Variants in STARD13 observed in about 807,000 individuals in gnomAD.
The protein encoded by STARD13 is stAR-related lipid transfer protein 13.
A neutral mutation model predicts 106.4 loss-of-function variants in STARD13; 62 were observed. The observed-to-expected ratio is 0.58, with a 90% CI of 0.48 to 0.72. STARD13 has a LOEUF of 0.72. Among genes scored for constraint, STARD13 ranks in the 30% least tolerant of loss-of-function variants. The pLI, the probability that STARD13 is intolerant of heterozygous loss-of-function variation, is 0.00. For missense variants in STARD13, 1,387 were observed against 1,424.0 expected, an observed-to-expected ratio of 0.97 and a Z score of 0.42; for synonymous variants, 565 against 553.0, an observed-to-expected ratio of 1.02 and a Z score of -0.31.
At chr13:33,470,886 CTGA>C in the STARD13 span, among the ~76,000 whole-genome samples, 6 of 152,150 alleles carry the variant, frequency 3.9e-5, no homozygotes, top group Non-Finnish European at 8.8e-5. Flanking sequence ...CCTATTCACT[CTGA>C]TGATAGTTTA....
intron 8 of STARD13, chr13:33,117,555 A>G (rs1041737659): frequency 1.1e-6 from 1 of 911,122 alleles, no homozygotes; most frequent in Admixed American, 6.2e-5. Flanking sequence ...AAGTGAAAAT[A>G]TAAATAAGTT....
the STARD13 span, among the ~76,000 whole-genome samples, chr13:33,462,337 C>T: frequency 3.9e-5 from 6 of 152,252 alleles, no homozygotes; most frequent in Admixed American, 1.3e-4. Flanking sequence ...TTCACTTACC[C>T]TTTACAGATC....
the STARD13 span, among the ~76,000 whole-genome samples, chr13:33,551,087 G>T: frequency 6.6e-6 from 1 of 152,280 alleles, no homozygotes; most frequent in East Asian, 1.9e-4. Context: ...AAGAGAATAA[G>T]CAAAACAAAA....
At chr13:33,246,399 C>T (rs1293491146) in intron 1 of STARD13, among the ~76,000 whole-genome samples, 5 of 152,188 alleles carry the variant, frequency 3.3e-5, no homozygotes, top group Non-Finnish European at 7.3e-5. Flanking sequence ...ACCTGAGCTT[C>T]TCAGGGCTGT....
chr13:33,429,125 A>G, the STARD13 span, among the ~76,000 whole-genome samples: 1 of 152,234 alleles, frequency 6.6e-6, no homozygotes, highest in Non-Finnish European at 1.5e-5. Context: ...AAGTTTCTCA[A>G]AACACTAAAA....
chr13:33,244,008 T>C (rs1889696200), intron 1 of STARD13, among the ~76,000 whole-genome samples: 1 of 126,784 alleles, frequency 7.9e-6, no homozygotes. Flanking sequence ...TGTTTCAGAT[T>C]CCGGCTCTTT....
the STARD13 span, among the ~76,000 whole-genome samples, chr13:33,430,870 T>G: frequency 6.6e-6 from 1 of 152,090 alleles, no homozygotes; most frequent in Non-Finnish European, 1.5e-5. Flanking sequence ...AAAGTGGATC[T>G]TATGAAGACA....
At chr13:33,469,543 A>T in the STARD13 span, among the ~76,000 whole-genome samples, 1 of 152,216 alleles carries the variant, frequency 6.6e-6, no homozygotes, top group Non-Finnish European at 1.5e-5. Flanking sequence ...ATGTTTAAGG[A>T]ATGATATTTA....
chr13:33,268,105 CTG>C (rs1890989217), intron 1 of STARD13, among the ~76,000 whole-genome samples: 1 of 152,212 alleles, frequency 6.6e-6, no homozygotes, highest in African/African-American at 2.4e-5. Context: ...AGTTCATACA[CTG>C]GACTTCTGGG....
At chr13:33,391,358 G>A in the STARD13 span, among the ~76,000 whole-genome samples, 1 of 152,140 alleles carries the variant, frequency 6.6e-6, no homozygotes, top group African/African-American at 2.4e-5. Flanking sequence ...TGAAATGTGT[G>A]CAATTTGTTT....
rs1465367124 is a variant in STARD13, at chr13:33,103,900, T to G, written c.*1693A>C. Reference sequence around the variant, plus strand: ...AAAGCATTGCCCAAAAGGTAAATTATGGATTTACTGCTTCCTTCTTAGGTA... The same window carrying G: ...AAAGCATTGCCCAAAAGGTAAATTAGGGATTTACTGCTTCCTTCTTAGGTA... On this transcript the variant is annotated 3_prime_UTR_variant, in exon 14 of 14. Transcript: ENST00000336934. The G allele has an allele frequency of 6.6e-6, 1 of 152,242 alleles. No individual in the cohort carries two copies. Among genetic ancestry groups the G allele is most frequent in the East Asian group, 1.9e-4 (1 of 5,200 alleles). The allele number at this position is 152,242 out of a possible 1,614,324, so 9.4% of individuals were successfully genotyped here. A position where few individuals can be genotyped will look rare whatever the true frequency, so the allele number is the denominator to read the frequency against.
At chr13:33,113,504 C>G in intron 8 of STARD13, 1 of 507,122 alleles carries the variant, frequency 2.0e-6, no homozygotes. Flanking sequence ...GACCTCATTC[C>G]TAGAGGGCCA....
At chr13:33,162,993 A>G (rs558623693) in intron 3 of STARD13, among the ~76,000 whole-genome samples, 1 of 152,298 alleles carries the variant, frequency 6.6e-6, no homozygotes, top group East Asian at 1.9e-4. Context: ...GAAGAAAAAG[A>G]GGTTTAATTG....
chr13:33,348,120 T>C (rs1053651778), downstream of STARD13, among the ~76,000 whole-genome samples: 6 of 152,338 alleles, frequency 3.9e-5, no homozygotes, highest in Admixed American at 1.3e-4. Context: ...TGGCATCCAC[T>C]GTGAGCAGAG....
At chr13:33,355,048 A>G (rs2078112347), upstream of STARD13, among the ~76,000 whole-genome samples, 1 of 152,186 alleles carries the variant, frequency 6.6e-6, no homozygotes, top group Non-Finnish European at 1.5e-5. Flanking sequence ...ACACACTATA[A>G]TTTATTTTAA....
chr13:33,276,004 G>C (rs554840040), intron 1 of STARD13: 1 of 152,156 alleles, frequency 6.6e-6, no homozygotes, highest in Non-Finnish European at 1.5e-5. Context: ...GAATTCCTTC[G>C]CAGGCTTCTT....
the STARD13 span, among the ~76,000 whole-genome samples, chr13:33,395,631 C>A: frequency 6.6e-6 from 1 of 152,152 alleles, no homozygotes; most frequent in African/African-American, 2.4e-5. Flanking sequence ...ATTTTTCCCA[C>A]TCTACTAATT....
At chr13:33,613,556 G>A in the STARD13 span, among the ~76,000 whole-genome samples, 1 of 152,188 alleles carries the variant, frequency 6.6e-6, no homozygotes, top group African/African-American at 2.4e-5. Context: ...GAATGGCCTG[G>A]CTTAGCCAAG....
chr13:33,222,229 C>G (rs891122852), intron 1 of STARD13, among the ~76,000 whole-genome samples: 8 of 152,030 alleles, frequency 5.3e-5, no homozygotes, highest in Non-Finnish European at 1.2e-4. Flanking sequence ...ATACCAGTCA[C>G]AGGAAGATAC....
Sources: allele counts gnomAD v4.1 joint callset (sites outside exome capture counted in the v4.1 genomes callset), GRCh38; gene constraint gnomAD v4.1.1; transcripts MANE v1.5; gene names NCBI Gene and HGNC (gene_info 2026-07-23, HGNC 2026-07-21).